ELOA: variants seen among roughly 807,000 people sequenced by gnomAD.
The protein encoded by ELOA is elongin A.
A neutral mutation model predicts 85.2 loss-of-function variants in ELOA; 15 were observed. That is an observed-to-expected ratio of 0.18 (90% CI 0.12 to 0.27). ELOA has a LOEUF of 0.27. ELOA is among the 10% of genes least tolerant of loss of function. The pLI, the probability that ELOA is intolerant of heterozygous loss-of-function variation, is 1.00. For synonymous variants in ELOA, 348 were observed against 357.2 expected (o/e 0.97, Z 0.29); for missense variants, 769 against 952.7 (o/e 0.81, Z 2.54).
chr1:23,746,822 T>C (rs72872154), intron 1 of ELOA, among the ~76,000 whole-genome samples: 12,573 of 152,216 alleles, frequency 0.083, 1,669 homozygotes, highest in African/African-American at 0.28. Flanking sequence ...ACAAGCTCTA[T>C]AGTTGGTATC....
At position 23,743,508 on chromosome 1, in the gene ELOA, C is replaced by T. The variant is rs1206199541; in HGVS notation, c.5C>T (p.Ala2Val). ...GAGGCCGCGCCAGTGACAGCGATGG[C>T]GGCGGAGTCGGCGCTCCAAGTTGTG... is the stretch of plus-strand genomic sequence containing the variant. M[A>V]AESALQVVEK... is the part of the protein sequence containing the mutation. The change falls in exon 1 of 11, where the codon GCG becomes GTG. Residue 2 changes from alanine to valine, a missense_variant. Physicochemically the swap from Ala to Val is moderately conservative, Grantham distance 64. Coordinates refer to ENST00000613537, the MANE Select transcript of ELOA (RefSeq NM_003198.3). 6.6e-7 allele frequency: 1 copy of T among 1,504,620 alleles called. No individual in the cohort carries two copies. Among genetic ancestry groups the T allele is most frequent in the Non-Finnish European group, 8.8e-7 (1 of 1,132,122 alleles). 93.2% of individuals were successfully genotyped at this position (1,504,620 alleles called of 1,614,324 possible).
intron 3 of ELOA, among the ~76,000 whole-genome samples, chr1:23,750,171 T>C (rs113575309): frequency 1.2e-3 from 30 of 25,294 alleles, no homozygotes; most frequent in South Asian, 4.5e-3. Flanking sequence ...GGTACGTTTC[T>C]TTTTTTTTTT....
intron 4 of ELOA, 152 bp from the exon 5 acceptor site, chr1:23,752,255 C>A: frequency 1.2e-6 from 1 of 806,964 alleles, no homozygotes; most frequent in African/African-American, 1.7e-5. Context: ...TATTTATTTC[C>A]TGACTGAGGT....
Position 23,754,271 on chromosome 1 carries a change from C to A in ELOA, c.1693+16C>A, listed in dbSNP as rs1644785158. ...AACATCGATTGTAAGTCACACGCTT[C>A]TCTCTAGCTCTCAAGCACATTGTAG... On this transcript the variant is annotated intron_variant, in intron 6 of 10. Coordinates refer to ENST00000613537, the MANE Select transcript of ELOA (RefSeq NM_003198.3). 1.2e-6 allele frequency: 2 copies of A among 1,614,160 alleles called. No individual in the cohort carries two copies. Among genetic ancestry groups the A allele is most frequent in the East Asian group, 4.5e-5 (2 of 44,878 alleles).
rs781100914 is a variant in ELOA, at chr1:23,750,842, T to A, written c.240-3T>A. On this transcript the variant is annotated splice_region_variant and splice_polypyrimidine_tract_variant and intron_variant, in intron 3 of 10. Transcript: ENST00000613537. ...ACTTTGTCTGCTTTTTCTTTTATTTTAGAAATGCTGAGCCTGATGAACAGG... is the reference window on the plus strand; with the variant it reads ...ACTTTGTCTGCTTTTTCTTTTATTTAAGAAATGCTGAGCCTGATGAACAGG... The A allele has an allele frequency of 6.4e-7, 1 of 1,555,872 alleles. No individual in the cohort carries two copies. The highest frequency in any genetic ancestry group is 2.1e-5 in the Admixed American group (1 of 46,882).
rs542757282 is a variant in ELOA, at chr1:23,761,553, T to G, written c.*1980T>G. The G allele has an allele frequency of 6.6e-6, 1 of 152,202 alleles. No individual in the cohort carries two copies. The highest frequency in any genetic ancestry group is 2.4e-5 in the African/African-American group (1 of 41,524). The allele number at this position is 152,202 out of a possible 1,614,324, so 9.4% of individuals were successfully genotyped here. Reference sequence around the variant, plus strand: ...AGTATCCATTTTGGCACATAAAGATTTTTGATGAGCCCTGTTTGCATAGAG... The same window carrying G: ...AGTATCCATTTTGGCACATAAAGATGTTTGATGAGCCCTGTTTGCATAGAG... On this transcript the variant is annotated 3_prime_UTR_variant, in exon 11 of 11. Transcript: ENST00000613537.
intron 10 of ELOA, 129 bp downstream of exon 10, chr1:23,757,254 T>C (rs1026780948): frequency 2.0e-6 from 2 of 1,010,678 alleles, no homozygotes; most frequent in Admixed American, 7.0e-5. Context: ...ACATAGCTGG[T>C]CTGAATGTCA....
rs1305263493 is a variant in ELOA, at chr1:23,757,832, T to C, written c.2257+707T>C. Among the ~76,000 whole-genome samples, 4 of 135,346 alleles carry C rather than the reference T, an allele frequency of 3.0e-5. No individual in the cohort carries two copies. The South Asian group carries it at 9.4e-4, about 32-fold the overall frequency. The allele number at this position is 135,346 out of a possible 152,430, so 88.8% of individuals were successfully genotyped here. On this transcript the variant is annotated intron_variant, in intron 10 of 10. Coordinates refer to ENST00000613537, the MANE Select transcript of ELOA (RefSeq NM_003198.3). Reference sequence around the variant, plus strand: ...TCTGGAAAAAAAAAAAAAAAAAAAGTGAAAGTAGAAAATAGTATCTGGCCA... The same window carrying C: ...TCTGGAAAAAAAAAAAAAAAAAAAGCGAAAGTAGAAAATAGTATCTGGCCA...
chr1:23,751,421 C>G lies in ELOA; in HGVS notation c.816C>G (p.His272Gln). The part of the protein sequence containing the change: ...KASVVSREKS[H>Q]KALSKEENRR... ...CTGTGGTGAGCAGAGAGAAATCACA[C>G]AAGGCCCTCTCCAAAGAGGAGAACC... The change falls in exon 4 of 11, where the codon CAC (histidine) becomes CAG (glutamine). Residue 272 changes from histidine to glutamine, a missense_variant. Around this residue, in one of 4 missense-constraint regions of ELOA, gnomAD observed 440 missense variants for 474.0 expected, o/e 0.93. Transcript: ENST00000613537. The G allele has an allele frequency of 6.2e-7, 1 of 1,614,120 alleles. No homozygotes were observed. The highest frequency in any genetic ancestry group is 8.5e-7 in the Non-Finnish European group (1 of 1,180,028).
Position 23,751,953 on chromosome 1 carries a change from T to G in ELOA, c.1348T>G (p.Ser450Ala). 1 of 1,613,154 alleles carries G rather than the reference T, an allele frequency of 6.2e-7. No individual in the cohort carries two copies. ...DSKSTGKNLD[S>A]VQKLPKVNKT... ...TAAAAGCACTGGTAAAAACTTGGAC[T>G]CAGTTCAGAAATTACCCAAGGTGAA... is the stretch of plus-strand genomic sequence containing the variant. Residue 450 changes from serine (S) to alanine (A), a missense_variant, in exon 4 of 11, where the codon TCA (serine) becomes GCA (alanine). Physicochemically the swap from Ser to Ala is moderately conservative, Grantham distance 99. Coordinates refer to ENST00000613537, the MANE Select transcript of ELOA (RefSeq NM_003198.3).
In ELOA at chr1:23,746,462, G is replaced by C. The variant is rs1349024624; in HGVS notation, c.76-2559G>C. Among the ~76,000 whole-genome samples, 5 of 150,854 alleles carry C rather than the reference G, an allele frequency of 3.3e-5. No homozygotes were observed. In the South Asian group the frequency reaches 1.1e-3, roughly 32 times the overall value. On this transcript the variant is annotated intron_variant, in intron 1 of 10. Transcript: ENST00000613537. Reference sequence around the variant, plus strand: ...ATCTCTACTAAAAATAAAAAAATTAGTTGGTCATGGTGGTGGTGCCTGTAA... The same window carrying C: ...ATCTCTACTAAAAATAAAAAAATTACTTGGTCATGGTGGTGGTGCCTGTAA...
chr1:23,752,305 TC>T (rs1247865462), intron 4 of ELOA, 101 bp from the exon 5 acceptor site: 1 of 1,172,554 alleles, frequency 8.5e-7, no homozygotes, highest in Non-Finnish European at 1.2e-6. Flanking sequence ...ACCTGGATCT[TC>T]CTGTGCAAGA....
chr1:23,755,790 AAAAAAT>A, intron 7 of ELOA, 47 bp from the exon 8 acceptor site: 8 of 1,532,260 alleles, frequency 5.2e-6, no homozygotes, highest in East Asian at 2.3e-5. Flanking sequence ...AAAAAAAAAA[AAAAAAT>A]ATGGAAAAGT....
chr1:23,754,345 C>T lies in ELOA; in HGVS notation c.1694-18C>T. The T allele has an allele frequency of 6.2e-7, 1 of 1,614,144 alleles. No homozygotes were observed. The highest frequency in any genetic ancestry group is 8.5e-7 in the Non-Finnish European group (1 of 1,180,000). On this transcript the variant is annotated intron_variant, in intron 6 of 10. Coordinates refer to ENST00000613537, the MANE Select transcript of ELOA (RefSeq NM_003198.3). ...GCTTGGCTGCTACTCAGTGTCTTCACCTTTGGTTTCTCTGCAGCAATCTTT... is the reference window on the plus strand; with the variant it reads ...GCTTGGCTGCTACTCAGTGTCTTCATCTTTGGTTTCTCTGCAGCAATCTTT...
chr1:23,751,586 G>C lies in ELOA; in HGVS notation c.981G>C (p.Lys327Asn). Residue 327 changes from lysine to asparagine, a missense_variant, in exon 4 of 11, where the codon AAG (lysine) becomes AAC (asparagine). Physicochemically the swap from Lys to Asn is moderately conservative, Grantham distance 94. This residue lies in a region of ELOA where 440 missense variants were observed against 474.0 expected (regional missense o/e 0.93). Coordinates refer to ENST00000613537, the MANE Select transcript of ELOA (RefSeq NM_003198.3). Reference sequence around the variant, plus strand: ...CCGCTTCAGACAACCACCTGAAAAAGCCAAAGCACAGAGACCCAGAGAAAG... The same window carrying C: ...CCGCTTCAGACAACCACCTGAAAAACCCAAAGCACAGAGACCCAGAGAAAG... Reference protein sequence around the residue: ...SEAASDNHLKKPKHRDPEKAK... With the variant: ...SEAASDNHLKNPKHRDPEKAK... 6.2e-7 allele frequency: 1 copy of C among 1,614,230 alleles called. No individual in the cohort carries two copies. Among genetic ancestry groups the C allele is most frequent in the Non-Finnish European group, 8.5e-7 (1 of 1,180,048 alleles).
rs1199763219 is a variant in ELOA at position 23,751,875 on chromosome 1, G to C, written c.1270G>C (p.Val424Leu). 6.2e-7 allele frequency: 1 copy of C among 1,613,782 alleles called. No homozygotes were observed. The highest frequency in any genetic ancestry group is 1.3e-5 in the African/African-American group (1 of 74,898). Residue 424 changes from valine (V) to leucine (L), a missense_variant, in exon 4 of 11, where the codon GTG becomes CTG. This residue lies in a region of ELOA where 193 missense variants were observed against 278.9 expected (regional missense o/e 0.69). Transcript: ENST00000613537. Reference protein sequence around the residue: ...DQPRKKKKKIVKTSATALGDK... With the variant: ...DQPRKKKKKILKTSATALGDK... ...GCCCCGGAAGAAAAAGAAAAAGATTGTGAAAACTTCAGCCACGGCACTTGG... is the reference window on the plus strand; with the variant it reads ...GCCCCGGAAGAAAAAGAAAAAGATTCTGAAAACTTCAGCCACGGCACTTGG...
intron 1 of ELOA, among the ~76,000 whole-genome samples, chr1:23,745,545 C>T (rs1326638484): frequency 5.5e-5 from 8 of 144,500 alleles, no homozygotes; most frequent in South Asian, 4.3e-4. Context: ...TGGGCTCTTT[C>T]TAGATAGAAA....
chr1:23,752,450 C>T lies in ELOA; in HGVS notation c.1469C>T (p.Ala490Val), dbSNP rs550252. The T allele has an allele frequency of 1.3e-3, 2,022 of 1,614,094 alleles. 20 individuals carry two copies. In the African/African-American group the frequency reaches 0.023, roughly 18 times the overall value. ...GTGTTGCCAGACCTCCCGTTACCCGCGATACAGGCCAATTACCGTCCACTG... is the reference window on the plus strand; with the variant it reads ...GTGTTGCCAGACCTCCCGTTACCCGTGATACAGGCCAATTACCGTCCACTG... The part of the protein sequence containing the change: ...LPVLPDLPLP[A>V]IQANYRPLPS... Residue 490 changes from alanine (A) to valine (V), a missense_variant, in exon 5 of 11, where the codon GCG becomes GTG. Ala to Val is a moderately conservative substitution (Grantham distance 64). Transcript: ENST00000613537.
chr1:23,754,551 G>A (rs1644786353), intron 7 of ELOA, 91 bp downstream of exon 7: 9 of 1,010,156 alleles, frequency 8.9e-6, no homozygotes, highest in Non-Finnish European at 1.1e-5. Context: ...GTGGCTGAAG[G>A]GCAGATCAGT....
Sources: allele counts gnomAD v4.1 joint callset (sites outside exome capture counted in the v4.1 genomes callset), GRCh38; gene constraint gnomAD v4.1.1; regional missense constraint gnomAD v4.1.1; transcripts MANE v1.5; gene names NCBI Gene and HGNC (gene_info 2026-07-23, HGNC 2026-07-21).